CASZ1: variants seen among roughly 807,000 people sequenced by gnomAD.
CASZ1 encodes the protein castor zinc finger 1, also known as zinc finger protein castor homolog 1.
CASZ1 carries 28 observed loss-of-function variants against 135.2 expected under a neutral mutation model. The ratio of observed to expected loss-of-function variants is 0.21; its 90% confidence interval spans 0.15 to 0.28. The LOEUF (loss-of-function observed/expected upper bound fraction) is 0.28, where lower values mean the gene tolerates loss of function less well. Ranked by LOEUF, CASZ1 falls within the 10% of genes least tolerant of loss-of-function variation. The pLI, the probability that CASZ1 is intolerant of heterozygous loss-of-function variation, is 1.00. For synonymous variants in CASZ1, 1,068 were observed against 1,073.4 expected, an observed-to-expected ratio of 0.99 and a Z score of 0.10; for missense variants, 2,161 against 2,453.3, an observed-to-expected ratio of 0.88 and a Z score of 2.52.
chr1:10,728,748 C>A (rs919410300), intron 2 of CASZ1, among the ~76,000 whole-genome samples: 1 of 151,978 alleles, frequency 6.6e-6, no homozygotes, highest in African/African-American at 2.4e-5. Flanking sequence ...TGTGACCGAC[C>A]GTCACATGAG....
In CASZ1 at chr1:10,639,094, C is replaced by A. The variant is rs1018205442; in HGVS notation, c.5128G>T (p.Asp1710Tyr). The change falls in exon 21 of 21, where the codon GAC becomes TAC. Residue 1710 changes from aspartate to tyrosine, a missense_variant. By Grantham distance (160) the Asp-to-Tyr change is radical. Transcript: ENST00000377022. The surrounding 1 kb of genome is among the most constrained non-coding windows in gnomAD (Gnocchi z 4.0). ...TCGGTGCGCAGGTCCTCGTCGTCGTCGTCCTCGTCGTCGTCCTCGTCGTCG... is the reference window on the plus strand; with the variant it reads ...TCGGTGCGCAGGTCCTCGTCGTCGTAGTCCTCGTCGTCGTCCTCGTCGTCG... ...DDDDEDDDED[D>Y]DDEDLRTDSE... 9.5e-5 allele frequency: 108 copies of A among 1,135,248 alleles called. No individual in the cohort carries two copies. In the African/African-American group the frequency reaches 1.5e-3, roughly 16 times the overall value. The allele number at this position is 1,135,248 out of a possible 1,614,324, so 70.3% of individuals were successfully genotyped here. A position where few individuals can be genotyped will look rare whatever the true frequency, so the allele number is the denominator to read the frequency against.
In CASZ1 at chr1:10,646,097, C is replaced by G. The variant is rs1250169695; in HGVS notation, c.3696+31G>C. 5 of 1,610,150 alleles carry G rather than the reference C, an allele frequency of 3.1e-6. No individual in the cohort carries two copies. Among genetic ancestry groups the G allele is most frequent in the Non-Finnish European group, 4.2e-6 (5 of 1,177,348 alleles). On this transcript the variant is annotated intron_variant, in intron 17 of 20. Coordinates refer to ENST00000377022, the MANE Select transcript of CASZ1 (RefSeq NM_001079843.3). This position sits in a 1 kb window ranked among gnomAD's most constrained non-coding sequence, Gnocchi z 6.4. ...GCCCTGCACCTCCCTGCCCCCTACTCTGCCCCTGCGCCGTGTACCGCCATG... is the reference window on the plus strand; with the variant it reads ...GCCCTGCACCTCCCTGCCCCCTACTGTGCCCCTGCGCCGTGTACCGCCATG...
chr1:10,766,853 C>T (rs940341632), intron 1 of CASZ1, among the ~76,000 whole-genome samples: 1 of 152,190 alleles, frequency 6.6e-6, no homozygotes, highest in Admixed American at 6.5e-5. Context: ...GGTTGAAGAA[C>T]TGGGACCCAC....
intron 6 of CASZ1, among the ~76,000 whole-genome samples, chr1:10,658,902 C>T (rs1642899762): frequency 6.6e-6 from 1 of 152,172 alleles, no homozygotes; most frequent in Non-Finnish European, 1.5e-5. Flanking sequence ...ACCAGGCCTC[C>T]CAACAGGGAG....
In CASZ1 at chr1:10,776,994, C is replaced by T. The variant is rs146833583; in HGVS notation, c.-233-16137G>A. ...GGAAGCATCATTCCATGTCTGGAAC[C>T]GGCCAGCCTCACCCTGAGCCAGTGG... is the stretch of plus-strand genomic sequence containing the variant. On this transcript the variant is annotated intron_variant, in intron 1 of 20. Transcript: ENST00000377022. This position sits in a 1 kb window ranked among gnomAD's most constrained non-coding sequence, Gnocchi z 4.1. 3.2e-4 allele frequency among the ~76,000 whole-genome samples: 49 copies of T among 152,288 alleles called. No individual in the cohort carries two copies. The highest frequency in any genetic ancestry group is 1.1e-3 in the African/African-American group (44 of 41,554).
chr1:10,702,201 G>A (rs949087991), intron 3 of CASZ1, among the ~76,000 whole-genome samples: 5 of 152,136 alleles, frequency 3.3e-5, no homozygotes, highest in African/African-American at 1.2e-4. Flanking sequence ...CCGCAGGCCA[G>A]CCCTGGCGGG....
rs1343416663 is a variant in CASZ1, at chr1:10,726,521, T to G, written c.-76-20977A>C. 6.6e-6 allele frequency among the ~76,000 whole-genome samples: 1 copy of G among 152,210 alleles called. No individual in the cohort carries two copies. Among genetic ancestry groups the G allele is most frequent in the East Asian group, 1.9e-4 (1 of 5,188 alleles). On this transcript the variant is annotated intron_variant, in intron 2 of 20. Coordinates refer to ENST00000377022, the MANE Select transcript of CASZ1 (RefSeq NM_001079843.3). This position sits in a 1 kb window ranked among gnomAD's most constrained non-coding sequence, Gnocchi z 5.7. ...GGTGGAGGATGCCACCTTTTCCTCG[T>G]GCCGCCTCAGGCCAAGCTGAAGGCT...
intron 2 of CASZ1, among the ~76,000 whole-genome samples, chr1:10,758,329 T>TCTC (rs374544967): frequency 0.024 from 2,033 of 85,554 alleles, 18 homozygotes; most frequent in East Asian, 0.04. Flanking sequence ...TCTCTCTCTC[T>TCTC]TTTTTTTTTT....
chr1:10,672,424 T>A (rs998673113), intron 4 of CASZ1, among the ~76,000 whole-genome samples: 1 of 148,704 alleles, frequency 6.7e-6, no homozygotes, highest in Non-Finnish European at 1.5e-5. Flanking sequence ...TTATGGCGGG[T>A]GTCCTTGGGA....
chr1:10,737,171 G>A (rs977623949), intron 2 of CASZ1, among the ~76,000 whole-genome samples: 7 of 152,216 alleles, frequency 4.6e-5, no homozygotes, highest in African/African-American at 1.7e-4. Flanking sequence ...TGAGGCATCC[G>A]CTCCCCACCC....
intron 4 of CASZ1, among the ~76,000 whole-genome samples, chr1:10,684,534 AG>A (rs1234076381): frequency 6.6e-6 from 1 of 152,186 alleles, no homozygotes; most frequent in Non-Finnish European, 1.5e-5. Context: ...CAGGACCCTG[AG>A]GGTGGGACCA....
intron 20 of CASZ1, among the ~76,000 whole-genome samples, chr1:10,641,016 C>T (rs1219734372): frequency 6.6e-6 from 1 of 152,242 alleles, no homozygotes; most frequent in African/African-American, 2.4e-5. Flanking sequence ...CCCACCAGAG[C>T]GTGGGTAGCC....
chr1:10,654,650 C>G (rs1642728482), intron 9 of CASZ1, 59 bp from the exon 10 acceptor site: 3 of 1,542,186 alleles, frequency 1.9e-6, no homozygotes, highest in Non-Finnish European at 1.8e-6. Flanking sequence ...GGGCCGAGGT[C>G]GACACCACTG....
In CASZ1 at chr1:10,646,990, C is replaced by A. The variant is rs1223421756; in HGVS notation, c.3498-664G>T. 6.6e-6 allele frequency among the ~76,000 whole-genome samples: 1 copy of A among 152,118 alleles called. No individual in the cohort carries two copies. The highest frequency in any genetic ancestry group is 6.5e-5 in the Admixed American group (1 of 15,276). On this transcript the variant is annotated intron_variant, in intron 16 of 20. Coordinates refer to ENST00000377022, the MANE Select transcript of CASZ1 (RefSeq NM_001079843.3). The surrounding 1 kb of genome is among the most constrained non-coding windows in gnomAD (Gnocchi z 6.4). The stretch of plus-strand genomic sequence containing the variant: ...GGATGCAGAGGGGTGCAGGAGGACA[C>A]TGGTCCCAGCCTTCAACTCTGGTTG...
At chr1:10,792,073 C>T (rs1471974082) in intron 1 of CASZ1, among the ~76,000 whole-genome samples, 3 of 151,248 alleles carry the variant, frequency 2.0e-5, no homozygotes, top group African/African-American at 4.9e-5. Flanking sequence ...TGGTTCCTCT[C>T]GCCTCTGAGC....
At chr1:10,796,398 G>T (rs755036085) in intron 1 of CASZ1, among the ~76,000 whole-genome samples, 166 bp downstream of exon 1, 1 of 152,184 alleles carries the variant, frequency 6.6e-6, no homozygotes, top group East Asian at 1.9e-4. Flanking sequence ...AGGCTGGCTG[G>T]CTGGCTCGCT....
At chr1:10,772,530 G>T (rs948342515) in intron 1 of CASZ1, among the ~76,000 whole-genome samples, 1 of 152,170 alleles carries the variant, frequency 6.6e-6, no homozygotes, top group African/African-American at 2.4e-5. Flanking sequence ...CTACCACATG[G>T]AAGACTCTGG....
intron 4 of CASZ1, among the ~76,000 whole-genome samples, chr1:10,678,373 T>C (rs1308458851): frequency 7.3e-6 from 1 of 136,448 alleles, no homozygotes. Context: ...CTATATTCCC[T>C]AAACCCTAAA....
intron 2 of CASZ1, among the ~76,000 whole-genome samples, chr1:10,746,147 G>C (rs565380551): frequency 6.6e-6 from 1 of 152,226 alleles, no homozygotes; most frequent in Non-Finnish European, 1.5e-5. Flanking sequence ...TACTGTTCCC[G>C]CTGTCCAGGC....
Sources: allele counts gnomAD v4.1 joint callset (sites outside exome capture counted in the v4.1 genomes callset), GRCh38; gene constraint gnomAD v4.1.1; non-coding constraint Gnocchi (gnomAD v3.1); transcripts MANE v1.5; gene names NCBI Gene and HGNC (gene_info 2026-07-23, HGNC 2026-07-21).